VEPH1: variants seen among roughly 807,000 people sequenced by gnomAD.
VEPH1 encodes the protein ventricular zone-expressed PH domain-containing protein homolog 1.
A neutral mutation model predicts 85.2 loss-of-function variants in VEPH1; 80 were observed. The ratio of observed to expected loss-of-function variants is 0.94; its 90% CI spans 0.78 to 1.13. The LOEUF is 1.13. Ranked by LOEUF, VEPH1 falls within the 50% of genes most tolerant of loss-of-function variation. The pLI is 0.00. For missense variants in VEPH1, 955 were observed against 980.5 expected (o/e 0.97, Z 0.35); for synonymous variants, 297 against 348.0 (o/e 0.85, Z 1.63).
chr3:157,392,238 A>T (rs957652672), intron 6 of VEPH1, among the ~76,000 whole-genome samples: 2 of 152,242 alleles, frequency 1.3e-5, no homozygotes, highest in African/African-American at 4.8e-5. Flanking sequence ...TCAACCTTGA[A>T]TGTAAATGGT....
Position 157,495,518 on chromosome 3 carries a change from AC to A in VEPH1, c.-157-13del, listed in dbSNP as rs1231594172. The A allele has an allele frequency of 2.8e-6, 4 of 1,431,194 alleles. No homozygotes were observed. Among genetic ancestry groups the A allele is most frequent in the Non-Finnish European group, 3.7e-6 (4 of 1,093,680 alleles). The allele number at this position is 1,431,194 out of a possible 1,614,324, so 88.7% of individuals were successfully genotyped here. ...TTCATTGACACTCTCTGCAAGGGAA[AC>A]AAATGACACAATGTAGCCACTGGCA... is the stretch of plus-strand genomic sequence containing the variant. On this transcript the variant is annotated splice_polypyrimidine_tract_variant and intron_variant, in intron 1 of 13. Transcript: ENST00000362010.
At chr3:157,491,043 C>T (rs1739171507) in intron 2 of VEPH1, among the ~76,000 whole-genome samples, 1 of 152,186 alleles carries the variant, frequency 6.6e-6, no homozygotes, top group South Asian at 2.1e-4. Context: ...ATACAAAATA[C>T]TATGCTGTAA....
At chr3:157,351,162 A>G (rs943625773) in intron 9 of VEPH1, among the ~76,000 whole-genome samples, 2 of 152,122 alleles carry the variant, frequency 1.3e-5, no homozygotes, top group South Asian at 2.1e-4. Flanking sequence ...GGTGGTATAT[A>G]TGGCCAGGTG....
At chr3:157,468,499 C>T (rs1324893027) in intron 3 of VEPH1, among the ~76,000 whole-genome samples, 4 of 151,984 alleles carry the variant, frequency 2.6e-5, no homozygotes, top group Non-Finnish European at 5.9e-5. Context: ...CACTTGAACC[C>T]GGGAGGCGGA....
At chr3:157,339,815 T>G (rs541894190) in intron 9 of VEPH1, among the ~76,000 whole-genome samples, 5 of 152,198 alleles carry the variant, frequency 3.3e-5, no homozygotes, top group Non-Finnish European at 7.3e-5. Context: ...CCTAAACCCC[T>G]TCACTGTTTT....
intron 11 of VEPH1, among the ~76,000 whole-genome samples, 187 bp from the exon 12 acceptor site, chr3:157,286,861 A>G (rs1716850776): frequency 6.6e-6 from 1 of 152,192 alleles, no homozygotes; most frequent in Non-Finnish European, 1.5e-5. Context: ...AAACTTTTCC[A>G]GAAGAGTATT....
intron 2 of VEPH1, chr3:157,489,404 A>G (rs1197314440): frequency 1.2e-5 from 4 of 321,142 alleles, no homozygotes; most frequent in East Asian, 1.5e-4. Context: ...CACTGACCTC[A>G]GAAACTCCAG....
chr3:157,282,555 T>G (rs1716272213), intron 12 of VEPH1, among the ~76,000 whole-genome samples: 1 of 152,236 alleles, frequency 6.6e-6, no homozygotes, highest in South Asian at 2.1e-4. Flanking sequence ...TGCTTAGATT[T>G]ATCGAGGAGG....
chr3:157,260,894 C>T lies in VEPH1; in HGVS notation c.*240G>A, dbSNP rs1712790705. 1.9e-6 allele frequency: 1 copy of T among 523,400 alleles called. No homozygotes were observed. Among genetic ancestry groups the T allele is most frequent in the Non-Finnish European group, 3.3e-6 (1 of 304,594 alleles). The allele number at this position is 523,400 out of a possible 1,614,324, so 32.4% of individuals were successfully genotyped here. A position where few individuals can be genotyped will look rare whatever the true frequency, so the allele number is the denominator to read the frequency against. ...TATCTGAGGGCATACTCTGTAGCTC[C>T]TTTTATTTTATTTTATTTTTGTGGG... On this transcript the variant is annotated 3_prime_UTR_variant, in exon 14 of 14. Coordinates refer to ENST00000362010, the MANE Select transcript of VEPH1 (RefSeq NM_001167912.2).
At chr3:157,395,888 C>T (rs1730331911) in intron 6 of VEPH1, among the ~76,000 whole-genome samples, 1 of 151,972 alleles carries the variant, frequency 6.6e-6, no homozygotes, top group Admixed American at 6.6e-5. Context: ...AAGTAGACTC[C>T]AGTGTTTGTT....
At chr3:157,472,525 A>C (rs1318406308) in intron 2 of VEPH1, among the ~76,000 whole-genome samples, 1 of 152,004 alleles carries the variant, frequency 6.6e-6, no homozygotes, top group South Asian at 2.1e-4. Context: ...TTTTTTTTTA[A>C]CTTTTATTTT....
intron 1 of VEPH1, among the ~76,000 whole-genome samples, chr3:157,499,082 C>A (rs983626231): frequency 3.9e-5 from 6 of 152,138 alleles, no homozygotes; most frequent in African/African-American, 1.4e-4. Context: ...AGGTTACACA[C>A]AGAGCCAATA....
chr3:157,351,227 C>G (rs954666184), intron 9 of VEPH1, among the ~76,000 whole-genome samples: 1 of 151,974 alleles, frequency 6.6e-6, no homozygotes, highest in African/African-American at 2.4e-5. Context: ...GGGCAGATCA[C>G]CTGAGGTCAG....
Position 157,449,855 on chromosome 3 carries a change from T to C in VEPH1, c.529+10326A>G, listed in dbSNP as rs893622591. On this transcript the variant is annotated intron_variant, in intron 4 of 13. Transcript: ENST00000362010. ...AATTGCTTTCAATACACTTTTATAA[T>C]TTTATTCTCAAAAGCTACATTTCCT... Among the ~76,000 whole-genome samples the C allele has an allele frequency of 2.6e-5, 4 of 152,040 alleles. No individual in the cohort carries two copies. The East Asian group carries it at 7.7e-4, about 29-fold the overall frequency.
At chr3:157,483,757 G>A (rs555175442) in intron 2 of VEPH1, among the ~76,000 whole-genome samples, 5 of 152,152 alleles carry the variant, frequency 3.3e-5, no homozygotes, top group East Asian at 1.9e-4. Flanking sequence ...AGAATACGAC[G>A]GATAGGAGGG....
In VEPH1 at chr3:157,328,933, GTAATTT is replaced by G. The variant is rs750850047; in HGVS notation, c.1736-11738_1736-11733del. Among the ~76,000 whole-genome samples the G allele has an allele frequency of 4.0e-3, 615 of 152,254 alleles. 4 individuals are homozygous for G. The highest frequency in any genetic ancestry group is 0.027 in the Middle Eastern group (8 of 294). On this transcript the variant is annotated intron_variant, in intron 9 of 13. Coordinates refer to ENST00000362010, the MANE Select transcript of VEPH1 (RefSeq NM_001167912.2). Reference sequence around the variant, plus strand: ...AGAATCTGAGGCTCAAAGATGTCAAGTAATTTATCTAAGGTCACATGGCTAGCAACT... The same window carrying G: ...AGAATCTGAGGCTCAAAGATGTCAAGATCTAAGGTCACATGGCTAGCAACT...
In VEPH1 at chr3:157,274,617, C is replaced by T. The variant is rs558099164; in HGVS notation, c.2129-8955G>A. The stretch of plus-strand genomic sequence containing the variant: ...GGCTCAAGCGATTCTCCTGCCTCAG[C>T]CCCCCAAGTAACTAGGACTACAAGT... On this transcript the variant is annotated intron_variant, in intron 12 of 13. Coordinates refer to ENST00000362010, the MANE Select transcript of VEPH1 (RefSeq NM_001167912.2). Among the ~76,000 whole-genome samples the T allele has an allele frequency of 2.0e-5, 3 of 152,096 alleles. No homozygotes were observed. In the East Asian group the frequency reaches 5.8e-4, roughly 29 times the overall value.
At position 157,495,167 on chromosome 3, in the gene VEPH1, G is replaced by A. The variant is rs113580343; in HGVS notation, c.138+45C>T. On this transcript the variant is annotated intron_variant, in intron 2 of 13. Coordinates refer to ENST00000362010, the MANE Select transcript of VEPH1 (RefSeq NM_001167912.2). The stretch of plus-strand genomic sequence containing the variant: ...GGATATAAACAAATCTCTAGCTCTA[G>A]GACAGGCCATTTCAGAGATGTAGTC... 35 of 1,588,894 alleles carry A rather than the reference G, an allele frequency of 2.2e-5. No homozygotes were observed. In the African/African-American group the frequency reaches 3.2e-4, roughly 15 times the overall value.
At chr3:157,374,313 C>T (rs1266431459) in intron 7 of VEPH1, among the ~76,000 whole-genome samples, 1 of 152,184 alleles carries the variant, frequency 6.6e-6, no homozygotes, top group African/African-American at 2.4e-5. Context: ...TTGTTTCATT[C>T]TTAAAATTTA....
Sources: gnomAD v4.1 joint callset for allele counts (sites outside exome capture counted in the v4.1 genomes callset) on GRCh38, gnomAD v4.1.1 for gene constraint, MANE v1.5 for transcripts, NCBI Gene and HGNC (gene_info 2026-07-23, HGNC 2026-07-21) for gene names.